PHC2: variants seen among roughly 807,000 people sequenced by gnomAD.
The protein encoded by PHC2 is polyhomeotic-like protein 2.
PHC2 carries 29 observed loss-of-function variants against 87.4 expected under a neutral mutation model. That is an observed-to-expected ratio of 0.33 (90% CI 0.25 to 0.45). The LOEUF (loss-of-function observed/expected upper bound fraction) is 0.45, where lower values mean the gene tolerates loss of function less well. Among genes scored for constraint, PHC2 ranks in the 20% least tolerant of loss-of-function variants. PHC2 has a pLI of 1.00. For missense variants in PHC2, 857 were observed against 1,136.7 expected, an observed-to-expected ratio of 0.75 and a Z score of 3.54; for synonymous variants, 438 against 461.7, an observed-to-expected ratio of 0.95 and a Z score of 0.66.
At chr1:33,377,583 G>T in intron 1 of PHC2, among the ~76,000 whole-genome samples, 1 of 151,832 alleles carries the variant, frequency 6.6e-6, no homozygotes, top group East Asian at 1.9e-4. Flanking sequence ...CCTCATTTCT[G>T]TGTAGAGGCT....
chr1:33,427,186 G>T (rs1481905315), intron 1 of PHC2, among the ~76,000 whole-genome samples: 2 of 152,144 alleles, frequency 1.3e-5, no homozygotes, highest in Non-Finnish European at 2.9e-5. Context: ...CTGGTGCTGG[G>T]AAGATTAAAT....
chr1:33,338,367 GT>G (rs1377634885), intron 9 of PHC2, among the ~76,000 whole-genome samples: 8 of 152,216 alleles, frequency 5.3e-5, no homozygotes, highest in African/African-American at 1.7e-4. Context: ...ACTCCCCATT[GT>G]AACCCAGGGC....
intron 9 of PHC2, among the ~76,000 whole-genome samples, chr1:33,338,294 A>T (rs982391666): frequency 6.6e-6 from 1 of 152,230 alleles, no homozygotes; most frequent in Non-Finnish European, 1.5e-5. Context: ...GTTGTTTTTT[A>T]AAAAAGATCT....
intron 1 of PHC2, among the ~76,000 whole-genome samples, chr1:33,412,196 C>T (rs938474616): frequency 2.6e-5 from 4 of 152,094 alleles, no homozygotes; most frequent in Non-Finnish European, 4.4e-5. Flanking sequence ...AAGGAATCCA[C>T]AAAAAATCTG....
At position 33,349,496 on chromosome 1, in the gene PHC2, G is replaced by A; in HGVS notation, c.1558+4905C>T. 5.1e-6 allele frequency: 5 copies of A among 985,234 alleles called. No individual in the cohort carries two copies. The highest frequency in any genetic ancestry group is 6.0e-6 in the Non-Finnish European group (5 of 829,854). 61.0% of individuals were successfully genotyped at this position (985,234 alleles called of 1,614,324 possible). A position where few individuals can be genotyped will look rare whatever the true frequency, so the allele number is the denominator to read the frequency against. On this transcript the variant is annotated intron_variant, in intron 9 of 14. Transcript: ENST00000683057. This position sits in a 1 kb window ranked among gnomAD's most constrained non-coding sequence, Gnocchi z 4.2. ...ACGGCCTGGCAGCCGCGTAGGCCCGGGCCGTTAGGGGCACCGAGGGCGGTG... is the reference window on the plus strand; with the variant it reads ...ACGGCCTGGCAGCCGCGTAGGCCCGAGCCGTTAGGGGCACCGAGGGCGGTG...
Position 33,332,496 on chromosome 1 carries a change from C to T in PHC2, c.1762-92G>A. ...ATCACAATTACACGTATAAAGTATC[C>T]AGGCACAGAGGCCAGCCCTCCTCAA... is the stretch of plus-strand genomic sequence containing the variant. On this transcript the variant is annotated intron_variant, in intron 10 of 14. Transcript: ENST00000683057. This position sits in a 1 kb window ranked among gnomAD's most constrained non-coding sequence, Gnocchi z 4.2. 6.8e-7 allele frequency: 1 copy of T among 1,467,384 alleles called. No homozygotes were observed. Among genetic ancestry groups the T allele is most frequent in the Non-Finnish European group, 9.5e-7 (1 of 1,056,962 alleles). The allele number at this position is 1,467,384 out of a possible 1,614,324, so 90.9% of individuals were successfully genotyped here.
chr1:33,391,238 A>T (rs192023661), intron 1 of PHC2, among the ~76,000 whole-genome samples: 3 of 152,310 alleles, frequency 2.0e-5, no homozygotes, highest in African/African-American at 7.2e-5. Context: ...ACTGTCTTGG[A>T]GAATGGTGGG....
Position 33,331,342 on chromosome 1 carries a change from A to G in PHC2, c.2006+6T>C, listed in dbSNP as rs1347994387. On this transcript the variant is annotated splice_donor_region_variant and intron_variant, in intron 12 of 14. Transcript: ENST00000683057. The surrounding 1 kb of genome is among the most constrained non-coding windows in gnomAD (Gnocchi z 5.2). ...TGGGGAAATGGAGGGGGCTGGGGCC[A>G]CTCACCTCTTTGCACAAGCCATGGA... 9 of 1,513,930 alleles carry G rather than the reference A, an allele frequency of 5.9e-6. No individual in the cohort carries two copies. The highest frequency in any genetic ancestry group is 8.3e-6 in the Non-Finnish European group (9 of 1,089,504). The allele number at this position is 1,513,930 out of a possible 1,614,324, so 93.8% of individuals were successfully genotyped here.
At chr1:33,357,252 C>G (rs1557831630) in intron 7 of PHC2, among the ~76,000 whole-genome samples, 1 of 152,194 alleles carries the variant, frequency 6.6e-6, no homozygotes, top group East Asian at 1.9e-4. Flanking sequence ...GTCCTGAGCT[C>G]ACGTTTTAAA....
intron 9 of PHC2, chr1:33,345,590 T>C (rs1175296265): frequency 1.2e-5 from 12 of 983,656 alleles, no homozygotes; most frequent in Non-Finnish European, 1.3e-5. Flanking sequence ...ACTTAAATTA[T>C]ATGCTGTGTT....
At chr1:33,406,179 T>C (rs1339347379) in intron 1 of PHC2, among the ~76,000 whole-genome samples, 1 of 152,228 alleles carries the variant, frequency 6.6e-6, no homozygotes, top group East Asian at 1.9e-4. Context: ...TTTTATTTGA[T>C]GAATAAAAAT....
intron 1 of PHC2, among the ~76,000 whole-genome samples, chr1:33,419,632 C>T (rs904812278): frequency 3.3e-5 from 5 of 151,872 alleles, no homozygotes; most frequent in African/African-American, 9.7e-5. Context: ...TTTTTTGAGA[C>T]GGAGTCTCGC....
intron 1 of PHC2, among the ~76,000 whole-genome samples, chr1:33,424,398 G>A (rs1650585090): frequency 6.6e-6 from 1 of 152,080 alleles, no homozygotes; most frequent in South Asian, 2.1e-4. Flanking sequence ...TTGCTTCTGT[G>A]GGCCTGTAAA....
intron 1 of PHC2, among the ~76,000 whole-genome samples, chr1:33,398,280 C>T (rs1260471283): frequency 2.0e-5 from 3 of 152,196 alleles, no homozygotes; most frequent in African/African-American, 7.2e-5. Flanking sequence ...ATGATTTAAA[C>T]CCCACCTCTA....
At chr1:33,356,276 T>TATATATATATATACAC (rs1557831073) in intron 7 of PHC2, among the ~76,000 whole-genome samples, 1 of 59,472 alleles carries the variant, frequency 1.7e-5, no homozygotes, top group Non-Finnish European at 3.1e-5. Context: ...TATATATATA[T>TATATATATATATACAC]GTATATATAT....
At chr1:33,402,727 A>G (rs1260940865) in intron 1 of PHC2, among the ~76,000 whole-genome samples, 1 of 152,274 alleles carries the variant, frequency 6.6e-6, no homozygotes, top group Non-Finnish European at 1.5e-5. Flanking sequence ...ATTTATACAG[A>G]GTTCAAAACC....
intron 9 of PHC2, chr1:33,345,405 G>A (rs1044161268): frequency 1.5e-5 from 4 of 272,546 alleles, no homozygotes; most frequent in African/African-American, 9.2e-5. Flanking sequence ...TAGAAAGAAT[G>A]TTCTCTTCTT....
At chr1:33,326,244 C>T (rs1420764320) in intron 14 of PHC2, 1 of 182,060 alleles carries the variant, frequency 5.5e-6, no homozygotes. Context: ...TTAAAAATGC[C>T]CAGCCTCTCC....
chr1:33,325,848 G>A (rs773102380), intron 14 of PHC2: 5 of 456,498 alleles, frequency 1.1e-5, no homozygotes, highest in Non-Finnish European at 2.2e-5. Flanking sequence ...CGTGGCCTCA[G>A]AACTGGCCAC....
Sources: allele counts gnomAD v4.1 joint callset (sites outside exome capture counted in the v4.1 genomes callset), GRCh38; gene constraint gnomAD v4.1.1; non-coding constraint Gnocchi (gnomAD v3.1); transcripts MANE v1.5; gene names NCBI Gene and HGNC (gene_info 2026-07-23, HGNC 2026-07-21).